Variants in POLR1A observed in about 807,000 individuals in gnomAD.
The protein encoded by POLR1A is RNA polymerase I subunit A, also known as DNA-directed RNA polymerase I subunit RPA1.
Under a neutral mutation model 205.3 loss-of-function variants are expected in POLR1A, and 84 were observed. The ratio of observed to expected loss-of-function variants is 0.41; its 90% confidence interval spans 0.34 to 0.49. The LOEUF (loss-of-function observed/expected upper bound fraction) is 0.49. Among genes scored for constraint, POLR1A ranks in the 20% least tolerant of loss-of-function variants. The probability of loss-of-function intolerance (pLI) is 0.22; values close to 1 mark genes in which losing one functional copy is unlikely to be tolerated. For missense variants in POLR1A, 1,645 were observed against 2,204.5 expected, an observed-to-expected ratio of 0.75 and a Z score of 5.08; for synonymous variants, 799 against 863.7, an observed-to-expected ratio of 0.93 and a Z score of 1.31.
Position 86,088,611 on chromosome 2 carries a change from C to A in POLR1A, c.685G>T (p.Ala229Ser). 1 of 1,614,086 alleles carries A rather than the reference C, an allele frequency of 6.2e-7. No individual in the cohort carries two copies. Among genetic ancestry groups the A allele is most frequent in the Admixed American group, 1.7e-5 (1 of 60,030 alleles). The change falls in exon 6 of 34, where the codon GCC becomes TCC. Residue 229 changes from alanine (A) to serine (S), a missense_variant. By Grantham distance (99) the Ala-to-Ser change is moderately conservative (BLOSUM62 1). Around this residue, in one of 16 missense-constraint regions of POLR1A, gnomAD observed 330 missense variants for 375.6 expected, o/e 0.88. Coordinates refer to ENST00000263857, the MANE Select transcript of POLR1A (RefSeq NM_015425.6). The stretch of plus-strand genomic sequence containing the variant: ...TGGCCAGCTGTCCTGTGCACCATGG[C>A]TGGAAACGTGATAGTCAACTTGCTG... ...HNSKLTITFPAMVHRTAGQKD... is the reference protein window; with the variant it reads ...HNSKLTITFPSMVHRTAGQKD...
At chr2:86,034,786 T>C (rs992064662) in intron 27 of POLR1A, among the ~76,000 whole-genome samples, 3 of 152,150 alleles carry the variant, frequency 2.0e-5, no homozygotes, top group Non-Finnish European at 4.4e-5. Flanking sequence ...GAGTCTTCAT[T>C]TGAAAAAGTA....
intron 13 of POLR1A, among the ~76,000 whole-genome samples, chr2:86,069,501 G>T (rs943037539): frequency 1.3e-5 from 2 of 152,190 alleles, no homozygotes; most frequent in Non-Finnish European, 2.9e-5. Context: ...ACCACAAGGG[G>T]TTGCCCTTGA....
intron 15 of POLR1A, among the ~76,000 whole-genome samples, chr2:86,053,867 C>A (rs1389574934): frequency 1.3e-5 from 2 of 152,200 alleles, no homozygotes; most frequent in Non-Finnish European, 2.9e-5. Flanking sequence ...AAACAGGACT[C>A]TGCATTGCCA....
At chr2:86,072,125 C>G (rs1028589039) in intron 12 of POLR1A, among the ~76,000 whole-genome samples, 3 of 152,232 alleles carry the variant, frequency 2.0e-5, no homozygotes, top group African/African-American at 4.8e-5. Context: ...TTTTCTCTCT[C>G]TAGCTCAGAG....
At chr2:86,053,131 A>G (rs2104399191) in intron 15 of POLR1A, 131 bp from the exon 16 acceptor site, 1 of 462,536 alleles carries the variant, frequency 2.2e-6, no homozygotes, top group East Asian at 3.5e-5. Context: ...TCCTTCATGG[A>G]AAAAAGTAGG....
At chr2:86,034,306 G>A (rs944446513) in intron 27 of POLR1A, among the ~76,000 whole-genome samples, 2 of 152,198 alleles carry the variant, frequency 1.3e-5, no homozygotes, top group Non-Finnish European at 2.9e-5. Flanking sequence ...ATCTCCAGAA[G>A]GTGGTGTTGC....
At chr2:86,042,676 TG>T (rs1672634970) in intron 23 of POLR1A, among the ~76,000 whole-genome samples, 1 of 152,224 alleles carries the variant, frequency 6.6e-6, no homozygotes, top group Non-Finnish European at 1.5e-5. Context: ...CTCTGTCCAG[TG>T]GCCCTAGCAC....
intron 4 of POLR1A, among the ~76,000 whole-genome samples, chr2:86,089,181 T>C (rs538597785): frequency 4.3e-4 from 65 of 152,332 alleles, no homozygotes; most frequent in African/African-American, 1.5e-3. Flanking sequence ...CAATAAGTGC[T>C]AGTTACTTTC....
At chr2:86,074,895 C>A (rs1293353018) in intron 12 of POLR1A, 135 bp downstream of exon 12, 1 of 639,150 alleles carries the variant, frequency 1.6e-6, no homozygotes, top group Admixed American at 2.9e-5. Context: ...TAAAAAGCCA[C>A]CCACGTGTCG....
At position 86,038,767 on chromosome 2, in the gene POLR1A, G is replaced by A. The variant is rs777740191; in HGVS notation, c.3967C>T (p.Pro1323Ser). ...TTCTCCTGCTGGTAATATGCATGTG[G>A]CAGGAACTGAAACCGCAGCTGGTAC... The part of the protein sequence containing the change: ...QVYQLRFQFL[P>S]HAYYQQEKCL... The change falls in exon 27 of 34, where the codon CCA becomes TCA. Residue 1323 changes from proline to serine, a missense_variant. Coordinates refer to ENST00000263857, the MANE Select transcript of POLR1A (RefSeq NM_015425.6). 1.2e-5 allele frequency: 20 copies of A among 1,613,950 alleles called. No individual in the cohort carries two copies. Among genetic ancestry groups the A allele is most frequent in the Non-Finnish European group, 1.7e-5 (20 of 1,179,850 alleles).
chr2:86,028,471 G>A lies in POLR1A; in HGVS notation c.4897+123C>T, dbSNP rs1275982730. On this transcript the variant is annotated intron_variant, in intron 32 of 33. Transcript: ENST00000263857. This position sits in a 1 kb window ranked among gnomAD's most constrained non-coding sequence, Gnocchi z 4.5. ...GTGCACTCACTGCACGCATGCTGCAGTGCCTGCCTTAGTGCTGGACTGACT... is the reference window on the plus strand; with the variant it reads ...GTGCACTCACTGCACGCATGCTGCAATGCCTGCCTTAGTGCTGGACTGACT... 2 of 725,584 alleles carry A rather than the reference G, an allele frequency of 2.8e-6. No homozygotes were observed. The highest frequency in any genetic ancestry group is 5.1e-6 in the Non-Finnish European group (2 of 392,450). The allele number at this position is 725,584 out of a possible 1,614,324, so 44.9% of individuals were successfully genotyped here.
chr2:86,083,074 T>C lies in POLR1A; in HGVS notation c.817+8A>G. On this transcript the variant is annotated splice_region_variant and intron_variant, in intron 7 of 33. Coordinates refer to ENST00000263857, the MANE Select transcript of POLR1A (RefSeq NM_015425.6). ...GATCAAGGCTATTTCTTTAGCCTGATACAGCACCTTCATTCTTCCACAGGG... is the reference window on the plus strand; with the variant it reads ...GATCAAGGCTATTTCTTTAGCCTGACACAGCACCTTCATTCTTCCACAGGG... The C allele has an allele frequency of 6.2e-7, 1 of 1,605,796 alleles. No homozygotes were observed. The highest frequency in any genetic ancestry group is 8.5e-7 in the Non-Finnish European group (1 of 1,172,328).
chr2:86,092,115 C>T (rs1673617465), intron 3 of POLR1A, among the ~76,000 whole-genome samples: 1 of 151,826 alleles, frequency 6.6e-6, no homozygotes, highest in African/African-American at 2.4e-5. Flanking sequence ...GACTCTGTCT[C>T]AAAAAATAAA....
intron 31 of POLR1A, among the ~76,000 whole-genome samples, chr2:86,029,180 C>T (rs116582471): frequency 6.6e-6 from 1 of 152,304 alleles, no homozygotes; most frequent in African/African-American, 2.4e-5. Context: ...CTTGGAGGAG[C>T]CTCTCACCCT....
chr2:86,081,639 A>C lies in POLR1A; in HGVS notation c.885T>G (p.Ser295Arg), dbSNP rs1196418487. Residue 295 changes from serine to arginine, a missense_variant, in exon 8 of 34, where the codon AGT becomes AGG. Ser to Arg is a moderately radical substitution (Grantham distance 110). Around this residue, in one of 16 missense-constraint regions of POLR1A, gnomAD observed 330 missense variants for 375.6 expected, o/e 0.88. Coordinates refer to ENST00000263857, the MANE Select transcript of POLR1A (RefSeq NM_015425.6). ...CCACCAAGAAATCTAGAAAGAACAC[A>C]CTGGGATTGAATCTGGATTCCATAC... Reference protein sequence around the residue: ...DDGMESRFNPSVFFLDFLVVP... With the variant: ...DDGMESRFNPRVFFLDFLVVP... 6.2e-7 allele frequency: 1 copy of C among 1,612,646 alleles called. No individual in the cohort carries two copies. The highest frequency in any genetic ancestry group is 1.7e-5 in the Admixed American group (1 of 59,720).
rs928376649 is a variant in POLR1A, at chr2:86,038,622, G to C, written c.4034+78C>G. On this transcript the variant is annotated intron_variant, in intron 27 of 33. Coordinates refer to ENST00000263857, the MANE Select transcript of POLR1A (RefSeq NM_015425.6). ...AAGGCACTCAATCTCTAGGAGCCTT[G>C]TGGCTAGGTGCTTCCTGCCCCAGTT... 6 of 1,417,864 alleles carry C rather than the reference G, an allele frequency of 4.2e-6. No individual in the cohort carries two copies. The African/African-American group carries it at 7.1e-5, about 17-fold the overall frequency. 87.8% of individuals were successfully genotyped at this position (1,417,864 alleles called of 1,614,324 possible). A position where few individuals can be genotyped will look rare whatever the true frequency, so the allele number is the denominator to read the frequency against.
chr2:86,035,910 G>A (rs542667204), intron 27 of POLR1A, among the ~76,000 whole-genome samples: 151 of 152,204 alleles, frequency 9.9e-4, no homozygotes, highest in Non-Finnish European at 2.0e-3. Flanking sequence ...ATGAATGGCT[G>A]GTGAGTAAGT....
chr2:86,081,816 A>G (rs906624747), intron 7 of POLR1A, 110 bp from the exon 8 acceptor site: 3 of 665,292 alleles, frequency 4.5e-6, no homozygotes, highest in Non-Finnish European at 5.2e-6. Context: ...ATACAAGATA[A>G]TATGTAGAGT....
intron 29 of POLR1A, 75 bp downstream of exon 29, chr2:86,032,197 G>A (rs372846608): frequency 5.5e-5 from 57 of 1,027,530 alleles, no homozygotes; most frequent in Non-Finnish European, 7.3e-5. Context: ...CCTGGGTGCC[G>A]GGAGATAATC....
Sources: gnomAD v4.1 joint callset for allele counts (sites outside exome capture counted in the v4.1 genomes callset) on GRCh38, gnomAD v4.1.1 for gene constraint, gnomAD v4.1.1 regional missense constraint, Gnocchi (gnomAD v3.1) non-coding constraint, MANE v1.5 for transcripts, NCBI Gene and HGNC (gene_info 2026-07-23, HGNC 2026-07-21) for gene names.